The following FOCAD variants were observed in gnomAD, a reference collection of about 807,000 sequenced individuals.
FOCAD encodes the protein KIAA1797.
FOCAD carries 198 observed loss-of-function variants against 225.6 expected under a neutral mutation model. The ratio of observed to expected loss-of-function variants is 0.88; its 90% CI spans 0.78 to 0.99. The LOEUF is 0.99. Among genes scored for constraint, FOCAD ranks in the 50% least tolerant of loss-of-function variants. The pLI, the probability that FOCAD is intolerant of heterozygous loss-of-function variation, is 0.00. For synonymous variants in FOCAD, 897 were observed against 755.0 expected (o/e 1.19, Z -3.08); for missense variants, 2,713 against 2,123.6 (o/e 1.28, Z -5.46).
At chr9:20,981,288 G>A in intron 37 of FOCAD, 138 bp from the exon 38 acceptor site, 1 of 1,015,142 alleles carries the variant, frequency 9.9e-7, no homozygotes, top group Non-Finnish European at 1.5e-6. Context: ...GAAGCTGTGG[G>A]AAAATGAAGG....
intron 35 of FOCAD, among the ~76,000 whole-genome samples, chr9:20,956,984 G>A (rs977456085): frequency 1.2e-4 from 19 of 152,154 alleles, no homozygotes; most frequent in South Asian, 1.2e-3. Context: ...GTGAGCCACC[G>A]TGCCTGGCCT....
chr9:20,993,312 C>G lies in FOCAD; in HGVS notation c.5316C>G (p.Ser1772=). Residue 1772 remains serine (S), a synonymous_variant, in exon 43 of 44, where the codon TCC becomes TCG. Transcript: ENST00000338382. Reference sequence around the variant, plus strand: ...CTAAAGAAGCCCTCTCAGCACAGTCCAGGGATCTTTTGAAAGGTATTACTT... The same window carrying G: ...CTAAAGAAGCCCTCTCAGCACAGTCGAGGGATCTTTTGAAAGGTATTACTT... ...ESPKEALSAQ[S]RDLLKATLLS... is the part of the protein sequence containing the mutation. The G allele has an allele frequency of 1.9e-6, 3 of 1,613,574 alleles. No individual in the cohort carries two copies. Among genetic ancestry groups the G allele is most frequent in the Non-Finnish European group, 1.7e-6 (2 of 1,179,608 alleles).
chr9:20,658,083 G>C (rs1048807303), upstream of FOCAD, among the ~76,000 whole-genome samples: 22 of 148,576 alleles, frequency 1.5e-4, no homozygotes, highest in African/African-American at 5.2e-4. Context: ...TCCCAGTTAG[G>C]CTGCTCAGGG....
At chr9:20,986,554 T>G in intron 40 of FOCAD, 89 bp downstream of exon 40, 2 of 1,229,514 alleles carry the variant, frequency 1.6e-6, no homozygotes, top group Middle Eastern at 2.8e-4. Context: ...AACTTAAAAA[T>G]TAGTTTAGTG....
chr9:20,890,842 A>C (rs1831548982), intron 21 of FOCAD, among the ~76,000 whole-genome samples: 1 of 131,104 alleles, frequency 7.6e-6, no homozygotes, highest in Non-Finnish European at 1.6e-5. Flanking sequence ...AATTCCATTT[A>C]TTTAGTATAC....
chr9:20,861,628 A>G (rs1359787284), intron 15 of FOCAD, among the ~76,000 whole-genome samples: 1 of 152,108 alleles, frequency 6.6e-6, no homozygotes, highest in Non-Finnish European at 1.5e-5. Flanking sequence ...AGTATATATT[A>G]CTCATTTATC....
chr9:20,749,154 A>G (rs1828322869), intron 5 of FOCAD, among the ~76,000 whole-genome samples: 1 of 152,114 alleles, frequency 6.6e-6, no homozygotes, highest in African/African-American at 2.4e-5. Context: ...ATTGGCAGGC[A>G]CCATTGCATT....
chr9:20,748,131 C>T (rs1828221845), intron 5 of FOCAD, among the ~76,000 whole-genome samples: 1 of 151,956 alleles, frequency 6.6e-6, no homozygotes, highest in Non-Finnish European at 1.5e-5. Flanking sequence ...TTTTACTTAG[C>T]ATAATGTAAG....
chr9:20,800,992 G>A (rs1343034839), intron 11 of FOCAD, among the ~76,000 whole-genome samples: 1 of 152,038 alleles, frequency 6.6e-6, no homozygotes. Context: ...TCTACGTTAG[G>A]TCTTTGATGA....
chr9:20,988,361 G>A lies in FOCAD; in HGVS notation c.4936G>A (p.Glu1646Lys). 2 of 1,611,496 alleles carry A rather than the reference G, an allele frequency of 1.2e-6. No homozygotes were observed. Among genetic ancestry groups the A allele is most frequent in the Admixed American group, 1.7e-5 (1 of 59,580 alleles). The change falls in exon 41 of 44, where the codon GAA (glutamate) becomes AAA (lysine). Residue 1646 changes from glutamate to lysine, a missense_variant. Transcript: ENST00000338382. ...GVLKRMEWLL[E>K]LMGYIRNVAY... ...TTTGAAGAGAATGGAGTGGCTCTTG[G>A]AACTGATGGGTTATATTAGAAATGT...
chr9:20,662,472 G>A (rs931953211), intron 2 of FOCAD, among the ~76,000 whole-genome samples: 7 of 152,268 alleles, frequency 4.6e-5, no homozygotes, highest in South Asian at 2.1e-4. Context: ...GGACAACTCC[G>A]AAGGGCAATA....
chr9:20,682,565 T>C (rs1822431249), upstream of FOCAD, among the ~76,000 whole-genome samples: 1 of 152,206 alleles, frequency 6.6e-6, no homozygotes, highest in Non-Finnish European at 1.5e-5. Flanking sequence ...CAGAGTTATG[T>C]GTTTAATTAT....
rs200865973 is a variant in FOCAD at position 20,907,262 on chromosome 9, G to C, written c.2718+20G>C. ...TTACAGGTAATGAAACCACAGGATA[G>C]GTTTGCTTTGGCGAAATGTCTCCTT... is the stretch of plus-strand genomic sequence containing the variant. On this transcript the variant is annotated intron_variant, in intron 22 of 43. Coordinates refer to ENST00000338382, the MANE Select transcript of FOCAD (RefSeq NM_001375567.1). 5 of 1,595,976 alleles carry C rather than the reference G, an allele frequency of 3.1e-6. No homozygotes were observed. The Admixed American group carries it at 8.4e-5, about 27-fold the overall frequency.
chr9:20,938,782 T>G lies in FOCAD; in HGVS notation c.3407+5679T>G, dbSNP rs1301363743. ...AAAAAAAGATTATCTTACCAATTTTTAAGAATTCATTATATATTATGTACA... is the reference window on the plus strand; with the variant it reads ...AAAAAAAGATTATCTTACCAATTTTGAAGAATTCATTATATATTATGTACA... On this transcript the variant is annotated intron_variant, in intron 28 of 43. Coordinates refer to ENST00000338382, the MANE Select transcript of FOCAD (RefSeq NM_001375567.1). 2.0e-5 allele frequency among the ~76,000 whole-genome samples: 3 copies of G among 152,224 alleles called. No homozygotes were observed. The East Asian group carries it at 5.8e-4, about 29-fold the overall frequency.
In FOCAD at chr9:20,675,326, G is replaced by A. The variant is rs150810612; in HGVS notation, c.-78+16500G>A. 3.9e-3 allele frequency among the ~76,000 whole-genome samples: 600 copies of A among 152,272 alleles called. 5 individuals carry two copies. Among genetic ancestry groups the A allele is most frequent in the South Asian group, 7.3e-3 (35 of 4,818 alleles). ...ACATAAAAATATATACCAGAGCATA[G>A]CCATCATGTCAAAACAAGAAAAGAA... On this transcript the variant is annotated intron_variant, in intron 2 of 45. Transcript: ENST00000380249.
At chr9:20,874,599 T>C (rs1352465043) in intron 18 of FOCAD, 82 bp from the exon 19 acceptor site, 8 of 1,480,316 alleles carry the variant, frequency 5.4e-6, no homozygotes, top group Non-Finnish European at 7.3e-6. Flanking sequence ...TTTAAAATCT[T>C]GTCACAAAAA....
At chr9:20,786,264 A>C (rs185779599) in intron 10 of FOCAD, among the ~76,000 whole-genome samples, 34 of 152,362 alleles carry the variant, frequency 2.2e-4, no homozygotes, top group Non-Finnish European at 3.8e-4. Context: ...TGATAATAGT[A>C]AATTGAAATA....
chr9:20,810,988 TG>T (rs1823003483), intron 11 of FOCAD, among the ~76,000 whole-genome samples: 1 of 152,124 alleles, frequency 6.6e-6, no homozygotes, highest in South Asian at 2.1e-4. Context: ...CTTTATTGGA[TG>T]GGCTAATTTT....
rs200166806 is a variant in FOCAD, at chr9:20,923,668, C to G, written c.2861C>G (p.Pro954Arg). 6.2e-7 allele frequency: 1 copy of G among 1,613,450 alleles called. No homozygotes were observed. The highest frequency in any genetic ancestry group is 8.5e-7 in the Non-Finnish European group (1 of 1,179,646). ...TTTTTCCTTTTGAACAGGGAGAGTC[C>G]GGTAGTGAAAGGCAATGCGCTGTTA... ...EITKAAAKES[P>R]VVKGNALLAL... The change falls in exon 25 of 44, where the codon CCG (proline) becomes CGG (arginine). Residue 954 changes from proline (P) to arginine (R), a missense_variant. Transcript: ENST00000338382.
Sources: allele counts gnomAD v4.1 joint callset (sites outside exome capture counted in the v4.1 genomes callset), GRCh38; gene constraint gnomAD v4.1.1; transcripts MANE v1.5; gene names NCBI Gene and HGNC (gene_info 2026-07-23, HGNC 2026-07-21).